The following NKAIN2 variants were observed in gnomAD, a reference collection of about 807,000 sequenced individuals.
NKAIN2 encodes sodium/potassium transporting ATPase interacting 2.
Under a neutral mutation model 32.6 loss-of-function variants are expected in NKAIN2, and 14 were observed. The ratio of observed to expected loss-of-function variants is 0.43; its 90% CI spans 0.28 to 0.67. NKAIN2 has a LOEUF of 0.67. Among genes scored for constraint, NKAIN2 ranks in the 30% least tolerant of loss-of-function variants. The pLI is 0.17. For missense variants in NKAIN2, 198 were observed against 258.3 expected (o/e 0.77, Z 1.60); for synonymous variants, 80 against 87.2 (o/e 0.92, Z 0.46).
intron 1 of NKAIN2, among the ~76,000 whole-genome samples, chr6:123,965,586 G>C (rs1031102445): frequency 6.6e-6 from 1 of 152,020 alleles, no homozygotes; most frequent in Non-Finnish European, 1.5e-5. Flanking sequence ...CATATCCTGC[G>C]ATCTAACCAA....
intron 1 of NKAIN2, among the ~76,000 whole-genome samples, chr6:124,258,470 G>A (rs936429288): frequency 5.9e-5 from 9 of 152,080 alleles, no homozygotes; most frequent in Admixed American, 5.9e-4. Flanking sequence ...CCTTATTTTA[G>A]TACATCCAGG....
intron 4 of NKAIN2, among the ~76,000 whole-genome samples, chr6:124,791,039 G>A (rs191148165): frequency 4.6e-5 from 7 of 152,274 alleles, no homozygotes; most frequent in Middle Eastern, 3.4e-3. Flanking sequence ...TAATCCACTA[G>A]TGAATGGTTA....
intron 1 of NKAIN2, among the ~76,000 whole-genome samples, chr6:124,118,666 G>C (rs1262189272): frequency 6.6e-6 from 1 of 151,998 alleles, no homozygotes; most frequent in Admixed American, 6.6e-5. Flanking sequence ...TCAGTAAAAA[G>C]CACGTTTATA....
Position 124,421,510 on chromosome 6 carries a change from C to T in NKAIN2, c.273+66163C>T, listed in dbSNP as rs143648918. 3.4e-3 allele frequency among the ~76,000 whole-genome samples: 510 copies of T among 151,390 alleles called. 1 individual carries two copies. The highest frequency in any genetic ancestry group is 0.012 in the African/African-American group (486 of 41,294). On this transcript the variant is annotated intron_variant, in intron 3 of 6. Coordinates refer to ENST00000368417, the MANE Select transcript of NKAIN2 (RefSeq NM_001040214.3). The stretch of plus-strand genomic sequence containing the variant: ...GTGTTGAATCAAACTTGGTTTATTA[C>T]AGTAACTCTGACAAGGACTTAACTA...
intron 3 of NKAIN2, among the ~76,000 whole-genome samples, chr6:124,647,014 A>G (rs1296756437): frequency 6.6e-6 from 1 of 152,058 alleles, no homozygotes; most frequent in East Asian, 1.9e-4. Flanking sequence ...ATATTAAAGG[A>G]AACCAAAATA....
Position 124,290,721 on chromosome 6 carries a change from G to A in NKAIN2, c.192+7579G>A, listed in dbSNP as rs539007143. 2.9e-3 allele frequency among the ~76,000 whole-genome samples: 433 copies of A among 151,406 alleles called. 3 individuals carry two copies. Among genetic ancestry groups the A allele is most frequent in the African/African-American group, 0.01 (419 of 41,302 alleles). ...TTTTTTTTTGTAAGAAACAAAACAG[G>A]CCTTGCTTAAGTGTATCCTAAATAC... On this transcript the variant is annotated intron_variant, in intron 2 of 6. Transcript: ENST00000368417.
At chr6:123,820,283 T>A (rs1773869669) in intron 1 of NKAIN2, among the ~76,000 whole-genome samples, 1 of 152,230 alleles carries the variant, frequency 6.6e-6, no homozygotes, top group African/African-American at 2.4e-5. Context: ...TTTCTGATTC[T>A]CCTGCTTACA....
chr6:124,077,940 A>G (rs982180658), intron 1 of NKAIN2, among the ~76,000 whole-genome samples: 1 of 152,120 alleles, frequency 6.6e-6, no homozygotes. Flanking sequence ...GCATTATGAA[A>G]AACTAAAAGT....
intron 4 of NKAIN2, among the ~76,000 whole-genome samples, chr6:124,726,737 C>G (rs972743720): frequency 1.4e-5 from 2 of 144,414 alleles, no homozygotes; most frequent in African/African-American, 5.2e-5. Context: ...GAGAAGAAGG[C>G]TTCAGACGAT....
intron 4 of NKAIN2, among the ~76,000 whole-genome samples, chr6:124,777,437 C>A (rs1779030685): frequency 6.6e-6 from 1 of 152,120 alleles, no homozygotes; most frequent in Non-Finnish European, 1.5e-5. Context: ...CTCTATGCCA[C>A]CAATTCCTCA....
chr6:124,793,870 A>G (rs987294253), intron 5 of NKAIN2, among the ~76,000 whole-genome samples: 3 of 152,152 alleles, frequency 2.0e-5, no homozygotes, highest in Non-Finnish European at 4.4e-5. Context: ...AAAAACCAGA[A>G]AGAGTTCTAA....
At chr6:124,740,806 G>A (rs1777172411) in intron 4 of NKAIN2, among the ~76,000 whole-genome samples, 1 of 151,696 alleles carries the variant, frequency 6.6e-6, no homozygotes, top group African/African-American at 2.4e-5. Flanking sequence ...AAGAAGGACA[G>A]TAAAGGTTGT....
At chr6:124,072,180 A>G (rs1439740131) in intron 1 of NKAIN2, among the ~76,000 whole-genome samples, 1 of 152,176 alleles carries the variant, frequency 6.6e-6, no homozygotes, top group Non-Finnish European at 1.5e-5. Context: ...TTGCAGCCAC[A>G]TGGATGTAGC....
chr6:123,942,219 G>A (rs1776857655), intron 1 of NKAIN2, among the ~76,000 whole-genome samples: 1 of 151,718 alleles, frequency 6.6e-6, no homozygotes, highest in Non-Finnish European at 1.5e-5. Flanking sequence ...TGAGCATATT[G>A]GAACAGAATG....
chr6:124,702,687 A>G (rs1410970986), intron 4 of NKAIN2, among the ~76,000 whole-genome samples: 1 of 152,052 alleles, frequency 6.6e-6, no homozygotes, highest in South Asian at 2.1e-4. Flanking sequence ...TAAATCATCA[A>G]TGCTTATTAG....
At chr6:124,474,829 T>A (rs1777120566) in intron 3 of NKAIN2, among the ~76,000 whole-genome samples, 1 of 147,672 alleles carries the variant, frequency 6.8e-6, no homozygotes, top group South Asian at 2.1e-4. Flanking sequence ...ACATATATAT[T>A]TTACATACAT....
intron 1 of NKAIN2, among the ~76,000 whole-genome samples, chr6:123,974,753 A>G (rs1282597856): frequency 6.6e-6 from 1 of 152,220 alleles, no homozygotes; most frequent in Admixed American, 6.5e-5. Context: ...TCAAAAGGGA[A>G]TTGATATTAT....
intron 3 of NKAIN2, among the ~76,000 whole-genome samples, chr6:124,517,576 CCT>C (rs1311406461): frequency 6.6e-6 from 1 of 152,124 alleles, no homozygotes; most frequent in Non-Finnish European, 1.5e-5. Context: ...AATAGCAAGG[CCT>C]CTACTCTGCT....
chr6:124,630,524 C>T (rs2114304595), intron 3 of NKAIN2, among the ~76,000 whole-genome samples: 1 of 152,262 alleles, frequency 6.6e-6, no homozygotes, highest in Admixed American at 6.5e-5. Context: ...TTCTCACTCA[C>T]TCATAGTCTT....
Sources: allele counts gnomAD v4.1 joint callset (sites outside exome capture counted in the v4.1 genomes callset), GRCh38; gene constraint gnomAD v4.1.1; transcripts MANE v1.5; gene names NCBI Gene and HGNC (gene_info 2026-07-23, HGNC 2026-07-21).